OLA1: variants seen among roughly 807,000 people sequenced by gnomAD.
OLA1 encodes obg-like ATPase 1.
In OLA1, 14 loss-of-function variants were observed where a neutral mutation model predicts 48.4. That is an observed-to-expected ratio of 0.29 (90% confidence interval 0.19 to 0.45). The LOEUF (loss-of-function observed/expected upper bound fraction) is 0.45, where lower values mean the gene tolerates loss of function less well. Among genes scored for constraint, OLA1 ranks in the 20% least tolerant of loss-of-function variants. The probability of loss-of-function intolerance (pLI) is 1.00; values close to 1 mark genes in which losing one functional copy is unlikely to be tolerated. For missense variants in OLA1, 325 were observed against 467.1 expected (o/e 0.70, Z 2.80); for synonymous variants, 127 against 150.4 (o/e 0.84, Z 1.14).
At chr2:174,094,580 C>T (rs1018896451) in intron 7 of OLA1, among the ~76,000 whole-genome samples, 5 of 152,160 alleles carry the variant, frequency 3.3e-5, no homozygotes, top group African/African-American at 4.8e-5. Context: ...CGAGACTAGA[C>T]GTAAAGATCC....
intron 10 of OLA1, among the ~76,000 whole-genome samples, chr2:174,078,422 T>C (rs1453064252): frequency 6.6e-6 from 1 of 151,902 alleles, no homozygotes; most frequent in Non-Finnish European, 1.5e-5. Flanking sequence ...TGCTTCACTA[T>C]TAGTGTCTGC....
chr2:174,232,271 C>T (rs188809109), intron 2 of OLA1, among the ~76,000 whole-genome samples: 4 of 152,208 alleles, frequency 2.6e-5, no homozygotes, highest in Non-Finnish European at 5.9e-5. Flanking sequence ...AGTAGGGATA[C>T]CAGTGCAAAT....
At chr2:174,193,091 C>CT (rs34103927) in intron 4 of OLA1, among the ~76,000 whole-genome samples, 72,393 of 137,868 alleles carry the variant, frequency 0.53, 19,462 homozygotes, top group East Asian at 0.94. Flanking sequence ...TTCTTTCTTT[C>CT]TTTTTTTTTT....
At chr2:174,083,530 C>T (rs1305532548) in intron 7 of OLA1, among the ~76,000 whole-genome samples, 3 of 151,744 alleles carry the variant, frequency 2.0e-5, no homozygotes, top group Non-Finnish European at 4.4e-5. Context: ...ATTTATGTTG[C>T]CTTTAACATA....
At chr2:174,202,484 GT>G (rs1266545202) in intron 4 of OLA1, among the ~76,000 whole-genome samples, 1 of 152,080 alleles carries the variant, frequency 6.6e-6, no homozygotes, top group Non-Finnish European at 1.5e-5. Flanking sequence ...CAGTTCTTGT[GT>G]TTTTTTCATT....
intron 5 of OLA1, among the ~76,000 whole-genome samples, chr2:174,140,614 T>C (rs1686424676): frequency 6.6e-6 from 1 of 152,108 alleles, no homozygotes; most frequent in African/African-American, 2.4e-5. Flanking sequence ...GCGATCCACC[T>C]GCCTTGGCCT....
intron 5 of OLA1, among the ~76,000 whole-genome samples, chr2:174,133,271 G>C (rs1372527155): frequency 4.6e-5 from 7 of 152,156 alleles, no homozygotes; most frequent in Admixed American, 3.9e-4. Context: ...GTACGTCAAG[G>C]AGAATTTGGA....
At chr2:174,179,709 G>A (rs1171399743) in intron 4 of OLA1, among the ~76,000 whole-genome samples, 1 of 151,908 alleles carries the variant, frequency 6.6e-6, no homozygotes, top group Non-Finnish European at 1.5e-5. Context: ...ACTTCTTAAG[G>A]ACAGATATAT....
At chr2:174,079,626 T>A (rs1684817619) in intron 9 of OLA1, among the ~76,000 whole-genome samples, 1 of 151,932 alleles carries the variant, frequency 6.6e-6, no homozygotes, top group African/African-American at 2.4e-5. Context: ...TTGCATAATA[T>A]TCCCTGCCTC....
intron 5 of OLA1, among the ~76,000 whole-genome samples, chr2:174,140,072 G>A (rs1686409062): frequency 6.6e-6 from 1 of 151,886 alleles, no homozygotes; most frequent in African/African-American, 2.4e-5. Context: ...AAACTTAATA[G>A]GAAAAGAGGT....
chr2:174,196,098 C>T (rs990356812), intron 4 of OLA1, among the ~76,000 whole-genome samples: 4 of 151,882 alleles, frequency 2.6e-5, no homozygotes, highest in Admixed American at 2.0e-4. Flanking sequence ...AATGCTCATG[C>T]GAATATAAAA....
chr2:174,214,306 C>A (rs1401285054), intron 4 of OLA1, among the ~76,000 whole-genome samples: 4 of 152,114 alleles, frequency 2.6e-5, no homozygotes, highest in Non-Finnish European at 5.9e-5. Flanking sequence ...GCACTCCAGC[C>A]TGGGCAACAG....
chr2:174,215,025 G>A (rs1169577765), intron 4 of OLA1, among the ~76,000 whole-genome samples: 1 of 151,632 alleles, frequency 6.6e-6, no homozygotes, highest in African/African-American at 2.4e-5. Context: ...ACTCCAGCCT[G>A]GGCGACAGAG....
chr2:174,097,765 G>A (rs531977359), intron 7 of OLA1, among the ~76,000 whole-genome samples: 8 of 152,104 alleles, frequency 5.3e-5, no homozygotes, highest in African/African-American at 1.9e-4. Context: ...ACTTGCAAGG[G>A]AAAGATAAAT....
chr2:174,111,912 T>A (rs1391180216), intron 7 of OLA1, among the ~76,000 whole-genome samples: 1 of 152,212 alleles, frequency 6.6e-6, no homozygotes, highest in Non-Finnish European at 1.5e-5. Flanking sequence ...TAAACTCTTT[T>A]ATGTACTGTC....
intron 5 of OLA1, among the ~76,000 whole-genome samples, chr2:174,137,220 A>G (rs1199750172): frequency 6.6e-6 from 1 of 152,210 alleles, no homozygotes; most frequent in Non-Finnish European, 1.5e-5. Context: ...ATGATCAGGT[A>G]CTTTGTCAAT....
At chr2:174,193,321 CTCAGGTGA>C (rs1366722718) in intron 4 of OLA1, among the ~76,000 whole-genome samples, 1 of 152,116 alleles carries the variant, frequency 6.6e-6, no homozygotes, top group Non-Finnish European at 1.5e-5. Context: ...AACTCCTGAC[CTCAGGTGA>C]TCCACCCACC....
At chr2:174,109,710 T>C (rs1368433800) in intron 7 of OLA1, among the ~76,000 whole-genome samples, 4 of 152,094 alleles carry the variant, frequency 2.6e-5, no homozygotes, top group African/African-American at 9.7e-5. Context: ...CCATGCAAAC[T>C]ATTCTGTATA....
chr2:174,214,640 G>T (rs1688320490), intron 4 of OLA1, among the ~76,000 whole-genome samples: 1 of 152,168 alleles, frequency 6.6e-6, no homozygotes, highest in Non-Finnish European at 1.5e-5. Flanking sequence ...AAACACAAGA[G>T]TCTTGCCATT....
Sources: allele counts gnomAD v4.1 joint callset (sites outside exome capture counted in the v4.1 genomes callset), GRCh38; gene constraint gnomAD v4.1.1; transcripts MANE v1.5; gene names NCBI Gene and HGNC (gene_info 2026-07-23, HGNC 2026-07-21).